Variants in ROBO1 observed in about 807,000 individuals in gnomAD.
ROBO1 encodes the protein roundabout guidance receptor 1.
Under a neutral mutation model 195.9 loss-of-function variants are expected in ROBO1, and 149 were observed. That is an observed-to-expected ratio of 0.76 (90% CI 0.67 to 0.87). ROBO1 has a LOEUF of 0.87. Ranked by LOEUF, ROBO1 falls within the 40% of genes least tolerant of loss-of-function variation. The pLI, the probability that ROBO1 is intolerant of heterozygous loss-of-function variation, is 0.00. For missense variants in ROBO1, 1,933 were observed against 2,068.3 expected, an observed-to-expected ratio of 0.93 and a Z score of 1.27; for synonymous variants, 816 against 733.2, an observed-to-expected ratio of 1.11 and a Z score of -1.82.
At chr3:79,270,673 G>C (rs2030466764) in intron 2 of ROBO1, among the ~76,000 whole-genome samples, 1 of 151,010 alleles carries the variant, frequency 6.6e-6, no homozygotes, top group African/African-American at 2.4e-5. Flanking sequence ...TTCAGGTAAA[G>C]AGAAAAAAAA....
At chr3:78,608,464 G>T (rs1422033307) in intron 28 of ROBO1, among the ~76,000 whole-genome samples, 1 of 152,086 alleles carries the variant, frequency 6.6e-6, no homozygotes. Context: ...CATAAAATTT[G>T]ATATCTAGAA....
intron 2 of ROBO1, among the ~76,000 whole-genome samples, chr3:79,532,382 G>C (rs1288519185): frequency 6.6e-6 from 1 of 152,050 alleles, no homozygotes; most frequent in Non-Finnish European, 1.5e-5. Flanking sequence ...AAAGTTTTAT[G>C]ATGTTTATAT....
intron 4 of ROBO1, among the ~76,000 whole-genome samples, chr3:78,896,321 T>C (rs2037225307): frequency 6.6e-6 from 1 of 152,118 alleles, no homozygotes; most frequent in South Asian, 2.1e-4. Context: ...GACCTGCACC[T>C]ATACATCCAG....
rs151110194 is a variant in ROBO1 at position 78,666,892 on chromosome 3, T to G, written c.1966+991A>C. Among the ~76,000 whole-genome samples, 175 of 152,140 alleles carry G rather than the reference T, an allele frequency of 1.2e-3. 1 individual carries two copies. The highest frequency in any genetic ancestry group is 3.6e-3 in the African/African-American group (147 of 41,408). Reference sequence around the variant, plus strand: ...AATAACCAAGTCTATTTTTTTTTCTTTTTTCCTTTGTTCCCTTAAGATAGA... The same window carrying G: ...AATAACCAAGTCTATTTTTTTTTCTGTTTTCCTTTGTTCCCTTAAGATAGA... On this transcript the variant is annotated intron_variant, in intron 14 of 30. Transcript: ENST00000464233.
At chr3:78,784,697 A>G (rs1369930972) in intron 4 of ROBO1, among the ~76,000 whole-genome samples, 3 of 152,210 alleles carry the variant, frequency 2.0e-5, no homozygotes, top group Non-Finnish European at 4.4e-5. Context: ...TAGTAGCAAC[A>G]AAAATCTTAA....
chr3:79,331,439 A>T (rs926031371), intron 2 of ROBO1, among the ~76,000 whole-genome samples: 1 of 152,252 alleles, frequency 6.6e-6, no homozygotes, highest in Non-Finnish European at 1.5e-5. Context: ...TGTAATATTT[A>T]AAACAAGCCA....
chr3:79,580,345 A>G (rs1943620163), intron 2 of ROBO1, among the ~76,000 whole-genome samples: 1 of 151,850 alleles, frequency 6.6e-6, no homozygotes, highest in Admixed American at 6.6e-5. Flanking sequence ...ATGGTGGTGC[A>G]CATCTGTAAT....
intron 2 of ROBO1, among the ~76,000 whole-genome samples, chr3:79,190,533 G>A (rs1233727450): frequency 2.6e-5 from 4 of 151,532 alleles, no homozygotes; most frequent in Non-Finnish European, 5.9e-5. Context: ...GATGACGACA[G>A]GGTTGTGTAA....
intron 1 of ROBO1, among the ~76,000 whole-genome samples, chr3:79,740,704 G>T (rs1703609548): frequency 6.6e-6 from 1 of 152,124 alleles, no homozygotes; most frequent in Admixed American, 6.5e-5. Flanking sequence ...TCCTGCCGTT[G>T]ACATGTGGGG....
rs147649771 is a variant in ROBO1 at position 79,093,001 on chromosome 3, C to T, written c.172+32455G>A. On this transcript the variant is annotated intron_variant, in intron 3 of 30. Coordinates refer to ENST00000464233, the MANE Select transcript of ROBO1 (RefSeq NM_002941.4). ...TATTTTGTGTGTAAACTAACATTTG[C>T]TTTTACCAAACAAAGTTACATGTTA... Among the ~76,000 whole-genome samples the T allele has an allele frequency of 1.0e-3, 154 of 152,150 alleles. 1 individual carries two copies. The East Asian group carries it at 0.025, about 25-fold the overall frequency.
intron 1 of ROBO1, among the ~76,000 whole-genome samples, chr3:79,620,690 A>T (rs1022557829): frequency 7.9e-5 from 12 of 151,574 alleles, no homozygotes; most frequent in Non-Finnish European, 1.3e-4. Context: ...GTGTCTCCCT[A>T]CCTTAAACCA....
chr3:79,532,370 C>T (rs1229843690), intron 2 of ROBO1, among the ~76,000 whole-genome samples: 1 of 28,542 alleles, frequency 3.5e-5, no homozygotes, highest in African/African-American at 1.3e-4. Flanking sequence ...ACAAGTTGAC[C>T]CAAAGTTTTA....
intron 2 of ROBO1, among the ~76,000 whole-genome samples, chr3:79,178,202 T>C (rs2081287256): frequency 6.6e-6 from 1 of 152,228 alleles, no homozygotes; most frequent in Non-Finnish European, 1.5e-5. Flanking sequence ...TTTCAAGAGT[T>C]CCTATTTGTT....
chr3:78,902,058 G>C (rs910915529), intron 4 of ROBO1, among the ~76,000 whole-genome samples: 2 of 152,072 alleles, frequency 1.3e-5, no homozygotes, highest in African/African-American at 4.8e-5. Flanking sequence ...GAAAGCAATG[G>C]AACTCAGGCA....
At chr3:79,402,436 G>T (rs1051366107) in intron 2 of ROBO1, among the ~76,000 whole-genome samples, 3 of 151,918 alleles carry the variant, frequency 2.0e-5, no homozygotes, top group Non-Finnish European at 4.4e-5. Flanking sequence ...CTTCCTGTTG[G>T]TAAATAACGC....
chr3:78,613,909 C>G (rs1703957503), intron 28 of ROBO1, among the ~76,000 whole-genome samples: 1 of 152,118 alleles, frequency 6.6e-6, no homozygotes, highest in African/African-American at 2.4e-5. Context: ...CCTCCTCCAC[C>G]CCTTTAGCAA....
At chr3:79,510,467 T>G (rs891053337) in intron 2 of ROBO1, among the ~76,000 whole-genome samples, 7 of 152,190 alleles carry the variant, frequency 4.6e-5, no homozygotes, top group African/African-American at 1.7e-4. Context: ...GAGAATGGAC[T>G]AATATATGGT....
At chr3:78,743,220 G>A (rs950293996) in intron 5 of ROBO1, among the ~76,000 whole-genome samples, 1 of 151,942 alleles carries the variant, frequency 6.6e-6, no homozygotes, top group Non-Finnish European at 1.5e-5. Context: ...AGTCTGTCTT[G>A]AACTGTTCAG....
At chr3:79,321,925 T>C (rs929399788) in intron 2 of ROBO1, among the ~76,000 whole-genome samples, 5 of 152,178 alleles carry the variant, frequency 3.3e-5, no homozygotes, top group African/African-American at 1.2e-4. Context: ...TTTTAGCAGG[T>C]ATCAGAATCA....
Sources: allele counts gnomAD v4.1 joint callset (sites outside exome capture counted in the v4.1 genomes callset), GRCh38; gene constraint gnomAD v4.1.1; transcripts MANE v1.5; gene names NCBI Gene and HGNC (gene_info 2026-07-23, HGNC 2026-07-21).